Variants in SMARCC1 observed in about 807,000 individuals in gnomAD.
The protein encoded by SMARCC1 is SWI/SNF related BAF chromatin remodeling complex subunit C1.
A neutral mutation model predicts 147.4 loss-of-function variants in SMARCC1; 43 were observed. That is an observed-to-expected ratio of 0.29 (90% CI 0.23 to 0.38). The LOEUF (loss-of-function observed/expected upper bound fraction) is 0.38, where lower values mean the gene tolerates loss of function less well. Among genes scored for constraint, SMARCC1 ranks in the 10% least tolerant of loss-of-function variants. The pLI is 1.00. For synonymous variants in SMARCC1, 495 were observed against 484.4 expected (o/e 1.02, Z -0.29); for missense variants, 1,119 against 1,381.1 (o/e 0.81, Z 3.01).
At chr3:47,656,397 G>T (rs1007692058) in intron 21 of SMARCC1, among the ~76,000 whole-genome samples, 1 of 152,158 alleles carries the variant, frequency 6.6e-6, no homozygotes, top group African/African-American at 2.4e-5. Context: ...ATTACAGAAA[G>T]TATCTAATAA....
At chr3:47,688,196 G>GT (rs2033751422) in intron 13 of SMARCC1, among the ~76,000 whole-genome samples, 1 of 152,046 alleles carries the variant, frequency 6.6e-6, no homozygotes, top group Non-Finnish European at 1.5e-5. Context: ...GGAGGCGGAG[G>GT]TTGTGGTGAG....
chr3:47,618,045 C>T (rs965829171), intron 25 of SMARCC1, among the ~76,000 whole-genome samples: 1 of 151,990 alleles, frequency 6.6e-6, no homozygotes, highest in African/African-American at 2.4e-5. Flanking sequence ...CTGTCTCATA[C>T]AAAGAATTTT....
chr3:47,735,384 C>G (rs964243418), intron 5 of SMARCC1, among the ~76,000 whole-genome samples: 1 of 152,058 alleles, frequency 6.6e-6, no homozygotes, highest in African/African-American at 2.4e-5. Context: ...GGTATGGTGG[C>G]TCACACCTAT....
intron 26 of SMARCC1, among the ~76,000 whole-genome samples, chr3:47,607,357 A>G (rs1229216959): frequency 2.0e-5 from 3 of 152,242 alleles, no homozygotes; most frequent in Non-Finnish European, 4.4e-5. Flanking sequence ...AAAAACTACT[A>G]AAACTACAGC....
intron 11 of SMARCC1, among the ~76,000 whole-genome samples, chr3:47,699,435 C>CAACA (rs959460411): frequency 3.3e-5 from 5 of 152,132 alleles, no homozygotes; most frequent in Admixed American, 3.3e-4. Context: ...TTCGACCAGA[C>CAACA]AACACACCAT....
rs2033976897 is a variant in SMARCC1 at position 47,705,219 on chromosome 3, G to A, written c.1040+1190C>T. Among the ~76,000 whole-genome samples, 2 of 151,280 alleles carry A rather than the reference G, an allele frequency of 1.3e-5. 1 individual carries two copies. Among genetic ancestry groups the A allele is most frequent in the East Asian group, 3.9e-4 (2 of 5,108 alleles). On this transcript the variant is annotated intron_variant, in intron 10 of 27. Coordinates refer to ENST00000254480, the MANE Select transcript of SMARCC1 (RefSeq NM_003074.4). ...ACGAGCCTGTAGTCCCAGCCACTAG[G>A]GAGGCTGAGGCAGGACAATCGCTTG...
intron 17 of SMARCC1, 79 bp downstream of exon 17, chr3:47,676,550 A>G (rs1395786547): frequency 9.9e-7 from 1 of 1,013,310 alleles, no homozygotes; most frequent in African/African-American, 1.6e-5. Context: ...TAGTATAATA[A>G]TAATTGTTTC....
intron 14 of SMARCC1, 109 bp from the exon 15 acceptor site, chr3:47,680,617 G>C (rs565333513): frequency 3.6e-6 from 2 of 556,782 alleles, no homozygotes; most frequent in South Asian, 2.0e-5. Context: ...GCGGGATCTC[G>C]GCTCACTGCA....
In SMARCC1 at chr3:47,610,812, C is replaced by T. The variant is rs61162658; in HGVS notation, c.2782-485G>A. The T allele has an allele frequency of 2.8e-3, 463 of 165,620 alleles. 4 individuals carry two copies. The highest frequency in any genetic ancestry group is 0.01 in the African/African-American group (439 of 42,022). The allele number at this position is 165,620 out of a possible 1,614,324, so 10.3% of individuals were successfully genotyped here. A position where few individuals can be genotyped will look rare whatever the true frequency, so the allele number is the denominator to read the frequency against. The stretch of plus-strand genomic sequence containing the variant: ...CTCATGGTTACTGTCTATTTTAGAA[C>T]ATAACACCAGAGTTAAATTACTCTG... On this transcript the variant is annotated intron_variant, in intron 25 of 27. Coordinates refer to ENST00000254480, the MANE Select transcript of SMARCC1 (RefSeq NM_003074.4).
At chr3:47,642,229 T>C (rs2033057285) in intron 21 of SMARCC1, among the ~76,000 whole-genome samples, 1 of 152,150 alleles carries the variant, frequency 6.6e-6, no homozygotes, top group African/African-American at 2.4e-5. Flanking sequence ...GCAAATACTA[T>C]ACAAAAGTAA....
intron 21 of SMARCC1, among the ~76,000 whole-genome samples, chr3:47,643,761 C>T (rs2033082244): frequency 2.0e-5 from 3 of 152,062 alleles, no homozygotes; most frequent in Admixed American, 1.3e-4. Context: ...ATGGAAGGAA[C>T]AGAATGATTC....
At chr3:47,668,612 G>C (rs1559639990) in intron 19 of SMARCC1, among the ~76,000 whole-genome samples, 1 of 152,144 alleles carries the variant, frequency 6.6e-6, no homozygotes. Flanking sequence ...AAAAATCAAA[G>C]GGGTGTGCTC....
rs1009696077 is a variant in SMARCC1 at position 47,604,427 on chromosome 3, C to G, written c.3043+5639G>C. 1.3e-5 allele frequency: 5 copies of G among 389,550 alleles called. No individual in the cohort carries two copies. In the East Asian group the frequency reaches 3.6e-4, roughly 28 times the overall value. 24.1% of individuals were successfully genotyped at this position (389,550 alleles called of 1,614,324 possible). On this transcript the variant is annotated intron_variant, in intron 26 of 27. Transcript: ENST00000254480. ...AAGACAGCCAACTGACCCAGATAAT[C>G]TTCAGCTCCCAATGTAAGCTGTGGC... is the stretch of plus-strand genomic sequence containing the variant.
At chr3:47,685,950 T>C in intron 14 of SMARCC1, 99 bp downstream of exon 14, 2 of 909,962 alleles carry the variant, frequency 2.2e-6, no homozygotes, top group Non-Finnish European at 3.4e-6. Context: ...GTGATAGTAA[T>C]TTCTGATAAG....
chr3:47,714,340 G>A, intron 8 of SMARCC1, 75 bp downstream of exon 8: 1 of 843,980 alleles, frequency 1.2e-6, no homozygotes, highest in Non-Finnish European at 2.0e-6. Context: ...TCTAGCCTGG[G>A]CGACAGAGTG....
chr3:47,756,121 C>T (rs1157106537), intron 2 of SMARCC1, among the ~76,000 whole-genome samples: 1 of 151,490 alleles, frequency 6.6e-6, no homozygotes, highest in Non-Finnish European at 1.5e-5. Flanking sequence ...TTGCAGGGAG[C>T]CAAGATCGCG....
intron 19 of SMARCC1, among the ~76,000 whole-genome samples, chr3:47,666,688 T>C (rs1225389761): frequency 1.3e-5 from 2 of 151,896 alleles, no homozygotes; most frequent in Admixed American, 6.6e-5. Flanking sequence ...ATGTGGCCCA[T>C]ACAAATTCAT....
chr3:47,632,298 TA>T (rs1164589741), intron 24 of SMARCC1, among the ~76,000 whole-genome samples: 4 of 150,860 alleles, frequency 2.7e-5, no homozygotes, highest in Non-Finnish European at 3.0e-5. Flanking sequence ...TTGTGAAACT[TA>T]AAAAAAAAAT....
At chr3:47,689,105 A>T (rs2033762626) in intron 13 of SMARCC1, among the ~76,000 whole-genome samples, 1 of 152,066 alleles carries the variant, frequency 6.6e-6, no homozygotes, top group African/African-American at 2.4e-5. Context: ...GCTACTCGGG[A>T]GGCTGAGGTG....
Sources: allele counts gnomAD v4.1 joint callset (sites outside exome capture counted in the v4.1 genomes callset), GRCh38; gene constraint gnomAD v4.1.1; transcripts MANE v1.5; gene names NCBI Gene and HGNC (gene_info 2026-07-23, HGNC 2026-07-21).